CCSER2: variants seen among roughly 807,000 people sequenced by gnomAD.
CCSER2 encodes the protein serine-rich coiled-coil domain-containing protein 2.
In CCSER2, 46 loss-of-function variants were observed where a neutral mutation model predicts 92.3. That is an observed-to-expected ratio of 0.50 (90% CI 0.39 to 0.64). CCSER2 has a LOEUF of 0.64. CCSER2 is among the 30% of genes least tolerant of loss of function. The pLI is 0.00. For synonymous variants in CCSER2, 433 were observed against 431.4 expected (o/e 1.00, Z -0.04); for missense variants, 1,244 against 1,238.9 (o/e 1.00, Z -0.06).
At chr10:84,391,793 A>G (rs1241462566) in intron 3 of CCSER2, 54 of 1,565,734 alleles carry the variant, frequency 3.4e-5, no homozygotes, top group Non-Finnish European at 4.5e-5. Flanking sequence ...ATAAGAGACA[A>G]TGAGGAAAAG....
intron 1 of CCSER2, among the ~76,000 whole-genome samples, chr10:84,339,704 A>G (rs1455287736): frequency 6.7e-6 from 1 of 149,938 alleles, no homozygotes; most frequent in African/African-American, 2.5e-5. Flanking sequence ...CGAACTCCCA[A>G]CCTCAGGTGA....
chr10:84,378,432 A>ATTTTTTT (rs386371982), intron 3 of CCSER2, among the ~76,000 whole-genome samples: 2 of 135,938 alleles, frequency 1.5e-5, no homozygotes. Context: ...TTAAAATTAA[A>ATTTTTTT]TTTTTTTTTT....
intron 6 of CCSER2, among the ~76,000 whole-genome samples, chr10:84,447,163 GA>G (rs1250936270): frequency 6.6e-6 from 1 of 151,928 alleles, no homozygotes; most frequent in Non-Finnish European, 1.5e-5. Flanking sequence ...GTTTACCCTA[GA>G]AAAACCAAAC....
intron 5 of CCSER2, among the ~76,000 whole-genome samples, chr10:84,434,634 G>A (rs1199893453): frequency 6.6e-6 from 1 of 152,086 alleles, no homozygotes; most frequent in African/African-American, 2.4e-5. Flanking sequence ...TTCAAGAAAT[G>A]TTTCAAGATA....
chr10:84,437,282 G>T (rs1426363137), intron 5 of CCSER2, among the ~76,000 whole-genome samples: 1 of 152,112 alleles, frequency 6.6e-6, no homozygotes, highest in Non-Finnish European at 1.5e-5. Context: ...ACTTTGGCAG[G>T]CCAAGGCGGG....
chr10:84,496,784 T>A (rs1399215001), intron 9 of CCSER2, among the ~76,000 whole-genome samples: 3 of 152,154 alleles, frequency 2.0e-5, no homozygotes, highest in African/African-American at 7.2e-5. Context: ...TCTCTATCAC[T>A]CATTTTAGGA....
chr10:84,497,281 A>G (rs1219068244), intron 9 of CCSER2, among the ~76,000 whole-genome samples: 1 of 152,258 alleles, frequency 6.6e-6, no homozygotes, highest in Non-Finnish European at 1.5e-5. Context: ...AGATGGGTAG[A>G]GAAGTGGAAG....
chr10:84,409,397 C>T (rs1842535652), intron 3 of CCSER2, among the ~76,000 whole-genome samples: 1 of 152,134 alleles, frequency 6.6e-6, no homozygotes, highest in Non-Finnish European at 1.5e-5. Context: ...GCCTCAGCCT[C>T]CCAAAGTGCT....
intron 8 of CCSER2, among the ~76,000 whole-genome samples, chr10:84,475,766 T>C (rs975046309): frequency 6.6e-6 from 1 of 152,192 alleles, no homozygotes; most frequent in Non-Finnish European, 1.5e-5. Context: ...ATACCCCTCA[T>C]ATATGTTAAA....
chr10:84,347,716 C>G (rs972462675), intron 1 of CCSER2, among the ~76,000 whole-genome samples: 3 of 148,586 alleles, frequency 2.0e-5, no homozygotes, highest in Non-Finnish European at 4.5e-5. Context: ...GGCTGCTGGG[C>G]GGAGGGGCTC....
intron 3 of CCSER2, among the ~76,000 whole-genome samples, chr10:84,393,142 TA>T (rs1841621456): frequency 1.3e-5 from 2 of 152,190 alleles, no homozygotes; most frequent in South Asian, 4.1e-4. Context: ...TAAAGTACTG[TA>T]GTTTACAGCT....
chr10:84,423,659 C>A (rs1235319798), intron 4 of CCSER2, among the ~76,000 whole-genome samples: 3 of 152,036 alleles, frequency 2.0e-5, no homozygotes, highest in African/African-American at 7.2e-5. Context: ...ATTTCTCTTT[C>A]CTGAATTGAG....
chr10:84,392,675 A>G (rs1841593300), intron 3 of CCSER2, among the ~76,000 whole-genome samples: 4 of 152,170 alleles, frequency 2.6e-5, no homozygotes, highest in Non-Finnish European at 1.5e-5. Flanking sequence ...GGTACCCCAA[A>G]AAAGTTGGAA....
intron 7 of CCSER2, among the ~76,000 whole-genome samples, chr10:84,465,125 CT>C (rs1262718059): frequency 6.6e-6 from 1 of 151,526 alleles, no homozygotes; most frequent in African/African-American, 2.4e-5. Flanking sequence ...TCTCTTAACA[CT>C]CAGTTGAGAA....
At chr10:84,387,529 TTTAA>T (rs1841285489) in intron 3 of CCSER2, among the ~76,000 whole-genome samples, 1 of 152,046 alleles carries the variant, frequency 6.6e-6, no homozygotes. Context: ...CTGAAGTAAT[TTTAA>T]TTTTTTTTTT....
At chr10:84,395,076 T>A (rs1241987133) in intron 3 of CCSER2, among the ~76,000 whole-genome samples, 1 of 151,754 alleles carries the variant, frequency 6.6e-6, no homozygotes, top group East Asian at 1.9e-4. Context: ...ACTAAAAAAT[T>A]AGCCAGGCAT....
chr10:84,390,037 T>C (rs1389381446), intron 3 of CCSER2, among the ~76,000 whole-genome samples: 2 of 152,196 alleles, frequency 1.3e-5, no homozygotes, highest in Admixed American at 1.3e-4. Context: ...TTGCTGCTCA[T>C]AGGCATCTTC....
At chr10:84,361,491 A>G (rs890093528) in intron 1 of CCSER2, among the ~76,000 whole-genome samples, 6 of 152,214 alleles carry the variant, frequency 3.9e-5, no homozygotes, top group Non-Finnish European at 8.8e-5. Context: ...TCTGACCTTC[A>G]TATAAATGGA....
intron 8 of CCSER2, among the ~76,000 whole-genome samples, chr10:84,476,633 T>C (rs10887304): frequency 0.57 from 85,777 of 151,424 alleles, 27,006 homozygotes; most frequent in East Asian, 0.74. Flanking sequence ...TTAGTAGAGA[T>C]GAGGTTTCAC....
Sources: gnomAD v4.1 joint callset for allele counts (sites outside exome capture counted in the v4.1 genomes callset) on GRCh38, gnomAD v4.1.1 for gene constraint, MANE v1.5 for transcripts, NCBI Gene and HGNC (gene_info 2026-07-23, HGNC 2026-07-21) for gene names.